Variants in ZNF292 observed in about 807,000 individuals in gnomAD.
The protein encoded by ZNF292 is zinc finger protein 292.
ZNF292 carries 26 observed loss-of-function variants against 217.9 expected under a neutral mutation model. The ratio of observed to expected loss-of-function variants is 0.12; its 90% CI spans 0.09 to 0.17. The LOEUF is 0.17. Among genes scored for constraint, ZNF292 ranks in the 10% least tolerant of loss-of-function variants. The pLI, the probability that ZNF292 is intolerant of heterozygous loss-of-function variation, is 1.00. For synonymous variants in ZNF292, 1,257 were observed against 1,124.1 expected (o/e 1.12, Z -2.37); for missense variants, 2,904 against 3,175.2 (o/e 0.91, Z 2.05).
intron 1 of ZNF292, among the ~76,000 whole-genome samples, chr6:87,207,105 G>T (rs1042353805): frequency 6.6e-6 from 1 of 152,112 alleles, no homozygotes; most frequent in African/African-American, 2.4e-5. Context: ...ATTTGCGTGC[G>T]CATGTGCATT....
chr6:87,223,484 A>G (rs570557884), intron 4 of ZNF292: 2 of 152,142 alleles, frequency 1.3e-5, no homozygotes, highest in South Asian at 4.1e-4. Flanking sequence ...TCCATGTTAT[A>G]TTCTTTAGAA....
intron 1 of ZNF292, among the ~76,000 whole-genome samples, chr6:87,192,769 T>C (rs1014661990): frequency 2.0e-5 from 3 of 152,236 alleles, no homozygotes; most frequent in African/African-American, 7.2e-5. Context: ...TATCACAGTT[T>C]ATTCATTAAT....
chr6:87,265,901 T>C lies in ZNF292; in HGVS notation c.*4100T>C, dbSNP rs929680469. On this transcript the variant is annotated 3_prime_UTR_variant, in exon 8 of 8. Transcript: ENST00000369577. ...GTAATGCTCATTGAATTTCAAGTAATTGTGATTAAACGTTGATTAAAATCC... is the reference window on the plus strand; with the variant it reads ...GTAATGCTCATTGAATTTCAAGTAACTGTGATTAAACGTTGATTAAAATCC... 2.6e-5 allele frequency among the ~76,000 whole-genome samples: 4 copies of C among 152,204 alleles called. No individual in the cohort carries two copies. The highest frequency in any genetic ancestry group is 4.4e-5 in the Non-Finnish European group (3 of 68,044).
At chr6:87,162,862 T>TA (rs767828274) in intron 1 of ZNF292, among the ~76,000 whole-genome samples, 86 of 152,248 alleles carry the variant, frequency 5.6e-4, no homozygotes, top group Non-Finnish European at 1.0e-3. Context: ...TCCCAACTCC[T>TA]ACAGATAAAT....
intron 4 of ZNF292, 93 bp from the exon 5 acceptor site, chr6:87,233,232 G>GT (rs1284095088): frequency 2.2e-6 from 2 of 911,218 alleles, no homozygotes; most frequent in African/African-American, 3.4e-5. Context: ...AAGCATTTTA[G>GT]TTCCCGTGTT....
chr6:87,155,864 C>T (rs1770511227), intron 1 of ZNF292, 105 bp downstream of exon 1: 1 of 1,365,106 alleles, frequency 7.3e-7, no homozygotes, highest in Non-Finnish European at 9.6e-7. Context: ...TTGGCATCAT[C>T]GGCGCCTCCG....
chr6:87,179,760 A>T lies in ZNF292; in HGVS notation c.168+24001A>T, dbSNP rs566552067. ...CTCTGTTTGGAAACCACTAGTTCAT[A>T]GTGCTGTGAGTAATGAAGTTTTCTA... is the stretch of plus-strand genomic sequence containing the variant. On this transcript the variant is annotated intron_variant, in intron 1 of 7. Coordinates refer to ENST00000369577, the MANE Select transcript of ZNF292 (RefSeq NM_015021.3). 5.3e-5 allele frequency among the ~76,000 whole-genome samples: 8 copies of T among 152,270 alleles called. No homozygotes were observed. In the South Asian group the frequency reaches 1.7e-3, roughly 32 times the overall value.
At chr6:87,168,033 A>G (rs190683678) in intron 1 of ZNF292, among the ~76,000 whole-genome samples, 29 of 152,338 alleles carry the variant, frequency 1.9e-4, no homozygotes, top group African/African-American at 7.0e-4. Flanking sequence ...TAGGAAATTC[A>G]GTTACCTAAT....
intron 7 of ZNF292, chr6:87,249,293 A>G: frequency 3.3e-6 from 1 of 306,504 alleles, no homozygotes; most frequent in Non-Finnish European, 6.7e-6. Flanking sequence ...CACTTGGCTA[A>G]TTTTTTTATT....
intron 1 of ZNF292, among the ~76,000 whole-genome samples, chr6:87,171,020 CATT>C (rs1213123443): frequency 1.3e-5 from 2 of 152,158 alleles, no homozygotes; most frequent in South Asian, 2.1e-4. Flanking sequence ...AATTTTAAAA[CATT>C]AATAATTCCA....
In ZNF292 at chr6:87,243,690, AG is replaced by A. The variant is rs1364589384; in HGVS notation, c.878+81del. 3 of 1,256,888 alleles carry A rather than the reference AG, an allele frequency of 2.4e-6. No individual in the cohort carries two copies. In the African/African-American group the frequency reaches 4.6e-5, roughly 19 times the overall value. The allele number at this position is 1,256,888 out of a possible 1,614,324, so 77.9% of individuals were successfully genotyped here. A position where few individuals can be genotyped will look rare whatever the true frequency, so the allele number is the denominator to read the frequency against. ...TAGGCTGTGAGAATTCATATAACTT[AG>A]GAACATAATTTAAAATCTTTTTAAG... On this transcript the variant is annotated intron_variant, in intron 6 of 7. Coordinates refer to ENST00000369577, the MANE Select transcript of ZNF292 (RefSeq NM_015021.3).
intron 1 of ZNF292, among the ~76,000 whole-genome samples, chr6:87,201,132 C>T (rs1001550501): frequency 8.5e-5 from 13 of 152,100 alleles, no homozygotes; most frequent in Non-Finnish European, 1.6e-4. Context: ...CCCTGAGATT[C>T]CGAGGTAGAC....
chr6:87,249,784 A>C (rs1041958348), intron 7 of ZNF292, among the ~76,000 whole-genome samples: 2 of 151,986 alleles, frequency 1.3e-5, no homozygotes, highest in African/African-American at 4.8e-5. Context: ...ATCTCGGCTC[A>C]CTACAACCTC....
intron 7 of ZNF292, among the ~76,000 whole-genome samples, chr6:87,253,832 G>A (rs1775060220): frequency 6.6e-6 from 1 of 152,170 alleles, no homozygotes; most frequent in South Asian, 2.1e-4. Context: ...CACATCCTGT[G>A]GCTATCTTAT....
At chr6:87,171,386 T>C (rs1771092082) in intron 1 of ZNF292, among the ~76,000 whole-genome samples, 1 of 151,886 alleles carries the variant, frequency 6.6e-6, no homozygotes, top group Non-Finnish European at 1.5e-5. Context: ...GGTTGTGGTT[T>C]TTTGTTGGTT....
At position 87,265,793 on chromosome 6, in the gene ZNF292, T is replaced by C. The variant is rs372623211; in HGVS notation, c.*3992T>C. ...AGCTGTTTGCAAATGGTGATTATTC[T>C]GATTGATCAATTTATATATCCCAAT... On this transcript the variant is annotated 3_prime_UTR_variant, in exon 8 of 8. Coordinates refer to ENST00000369577, the MANE Select transcript of ZNF292 (RefSeq NM_015021.3). Among the ~76,000 whole-genome samples, 1 of 152,348 alleles carries C rather than the reference T, an allele frequency of 6.6e-6. No individual in the cohort carries two copies. Among genetic ancestry groups the C allele is most frequent in the East Asian group, 1.9e-4 (1 of 5,190 alleles).
At position 87,257,495 on chromosome 6, in the gene ZNF292, A is replaced by T. The variant is rs370825342; in HGVS notation, c.3866A>T (p.Gln1289Leu). Residue 1289 changes from glutamine to leucine, a missense_variant, in exon 8 of 8, where the codon CAA (glutamine) becomes CTA (leucine). By Grantham distance (113) the Gln-to-Leu change is moderately radical. Coordinates refer to ENST00000369577, the MANE Select transcript of ZNF292 (RefSeq NM_015021.3). ...ADSGTNSVFS[Q>L]LENNTNHYSS... ...AGTGGGACTAATTCTGTTTTTTCCC[A>T]ACTGGAAAATAATACAAATCATTAT... The T allele has an allele frequency of 7.8e-5, 126 of 1,611,654 alleles. No homozygotes were observed. Among genetic ancestry groups the T allele is most frequent in the Non-Finnish European group, 1.0e-4 (123 of 1,178,898 alleles).
Position 87,256,848 on chromosome 6 carries a change from T to A in ZNF292, c.3219T>A (p.Phe1073Leu), listed in dbSNP as rs1406733329. The A allele has an allele frequency of 2.5e-6, 4 of 1,613,726 alleles. No individual in the cohort carries two copies. Among genetic ancestry groups the A allele is most frequent in the Non-Finnish European group, 3.4e-6 (4 of 1,179,830 alleles). The change falls in exon 8 of 8, where the codon TTT becomes TTA. Residue 1073 changes from phenylalanine to leucine, a missense_variant. Phe to Leu is a conservative substitution (Grantham distance 22, BLOSUM62 0). Around this residue, in one of 15 missense-constraint regions of ZNF292, gnomAD observed 687 missense variants for 623.0 expected, o/e 1.10. Transcript: ENST00000369577. Reference sequence around the variant, plus strand: ...TTAAGACATTAGAAAGTATTGCATTTGTTCCACCGCAGTCCGACCTAAGTA... The same window carrying A: ...TTAAGACATTAGAAAGTATTGCATTAGTTCCACCGCAGTCCGACCTAAGTA... ...LPLKTLESIAFVPPQSDLSNS... is the reference protein window; with the variant it reads ...LPLKTLESIALVPPQSDLSNS...
intron 1 of ZNF292, among the ~76,000 whole-genome samples, chr6:87,207,088 A>G (rs1357265863): frequency 6.6e-6 from 1 of 152,214 alleles, no homozygotes; most frequent in African/African-American, 2.4e-5. Flanking sequence ...TAGCTGGTAC[A>G]TCTTTGATTT....
Sources: allele counts gnomAD v4.1 joint callset (sites outside exome capture counted in the v4.1 genomes callset), GRCh38; gene constraint gnomAD v4.1.1; regional missense constraint gnomAD v4.1.1; transcripts MANE v1.5; gene names NCBI Gene and HGNC (gene_info 2026-07-23, HGNC 2026-07-21).